Variants in RSRC1 observed in about 807,000 individuals in gnomAD.
RSRC1 encodes the protein serine/Arginine-related protein 53.
In RSRC1, 39 loss-of-function variants were observed where a neutral mutation model predicts 49.1. That is an observed-to-expected ratio of 0.79 (90% CI 0.61 to 1.04). The LOEUF (loss-of-function observed/expected upper bound fraction) is 1.04, where lower values mean the gene tolerates loss of function less well. Ranked by LOEUF, RSRC1 falls within the 50% of genes least tolerant of loss-of-function variation. The probability of loss-of-function intolerance (pLI) is 0.00; values close to 1 mark genes in which losing one functional copy is unlikely to be tolerated. For synonymous variants in RSRC1, 143 were observed against 130.8 expected, an observed-to-expected ratio of 1.09 and a Z score of -0.63; for missense variants, 388 against 402.4, an observed-to-expected ratio of 0.96 and a Z score of 0.31.
At chr3:158,526,749 T>C (rs1320570289) in intron 7 of RSRC1, among the ~76,000 whole-genome samples, 3 of 151,978 alleles carry the variant, frequency 2.0e-5, no homozygotes, top group Admixed American at 2.0e-4. Context: ...CGAAACATAA[T>C]ATGCTTACAA....
chr3:158,252,847 T>C lies in RSRC1; in HGVS notation c.495-45192T>C, dbSNP rs138494610. The stretch of plus-strand genomic sequence containing the variant: ...TGTGTCTAGGAATATTTCTGTTTCT[T>C]CTAGGTTTTCCAATTTCTTGGCATA... On this transcript the variant is annotated intron_variant, in intron 4 of 9. Coordinates refer to ENST00000611884, the MANE Select transcript of RSRC1 (RefSeq NM_001271838.2). Among the ~76,000 whole-genome samples the C allele has an allele frequency of 3.9e-4, 60 of 152,258 alleles. 1 individual carries two copies. Among genetic ancestry groups the C allele is most frequent in the African/African-American group, 1.3e-3 (52 of 41,578 alleles).
At chr3:158,275,846 C>G in intron 4 of RSRC1, 2 of 553,146 alleles carry the variant, frequency 3.6e-6, no homozygotes, top group South Asian at 3.7e-5. Flanking sequence ...ATTGCGCCTT[C>G]TCCAAGCTGC....
At chr3:158,166,825 T>C (rs921220203) in intron 3 of RSRC1, among the ~76,000 whole-genome samples, 21 of 152,204 alleles carry the variant, frequency 1.4e-4, no homozygotes, top group African/African-American at 5.1e-4. Flanking sequence ...TTAATACCTT[T>C]TGAATATTTT....
intron 6 of RSRC1, among the ~76,000 whole-genome samples, chr3:158,390,143 C>T (rs1054250201): frequency 6.6e-6 from 1 of 152,162 alleles, no homozygotes; most frequent in Non-Finnish European, 1.5e-5. Flanking sequence ...CTTTGAACTC[C>T]TTTCATGAGG....
intron 4 of RSRC1, among the ~76,000 whole-genome samples, chr3:158,263,802 A>AC (rs1224153730): frequency 6.6e-6 from 1 of 152,126 alleles, no homozygotes; most frequent in East Asian, 1.9e-4. Context: ...CATGTTACCT[A>AC]AGGTGTTGAA....
rs552015233 is a variant in RSRC1 at position 158,197,419 on chromosome 3, C to T, written c.321-5653C>T. Among the ~76,000 whole-genome samples, 3 of 152,062 alleles carry T rather than the reference C, an allele frequency of 2.0e-5. No individual in the cohort carries two copies. The East Asian group carries it at 5.8e-4, about 29-fold the overall frequency. On this transcript the variant is annotated intron_variant, in intron 3 of 9. Coordinates refer to ENST00000611884, the MANE Select transcript of RSRC1 (RefSeq NM_001271838.2). Reference sequence around the variant, plus strand: ...TCTTCTTTATTAGTCTTGGTAGCGGCCTATCAATTTTGTTGATCTTTTCAC... The same window carrying T: ...TCTTCTTTATTAGTCTTGGTAGCGGTCTATCAATTTTGTTGATCTTTTCAC...
chr3:158,142,441 A>G (rs1716804991), intron 3 of RSRC1, among the ~76,000 whole-genome samples: 1 of 152,186 alleles, frequency 6.6e-6, no homozygotes, highest in South Asian at 2.1e-4. Flanking sequence ...CGGTTAGTCC[A>G]TTCTTGCATC....
intron 4 of RSRC1, among the ~76,000 whole-genome samples, chr3:158,222,612 C>T (rs1722286845): frequency 6.6e-6 from 1 of 151,374 alleles, no homozygotes; most frequent in African/African-American, 2.4e-5. Flanking sequence ...TTCTCCGTCC[C>T]CCACCCCTTA....
chr3:158,288,188 T>A (rs974764153), intron 4 of RSRC1, among the ~76,000 whole-genome samples: 4 of 152,232 alleles, frequency 2.6e-5, no homozygotes, highest in Admixed American at 6.5e-5. Context: ...CAGGTCATGC[T>A]GGACCTTTGA....
intron 7 of RSRC1, among the ~76,000 whole-genome samples, chr3:158,480,681 A>G (rs557461645): frequency 1.4e-3 from 219 of 152,160 alleles, no homozygotes; most frequent in Non-Finnish European, 2.6e-3. Flanking sequence ...GAAAGTGACT[A>G]TCACACATGA....
intron 8 of RSRC1, among the ~76,000 whole-genome samples, 166 bp downstream of exon 8, chr3:158,537,364 C>T (rs1027464307): frequency 1.3e-5 from 2 of 151,506 alleles, no homozygotes; most frequent in Non-Finnish European, 3.0e-5. Flanking sequence ...GACTCAGTCA[C>T]TTTAATACAA....
intron 4 of RSRC1, among the ~76,000 whole-genome samples, chr3:158,281,372 A>G (rs1478611538): frequency 6.6e-6 from 1 of 151,978 alleles, no homozygotes; most frequent in Non-Finnish European, 1.5e-5. Flanking sequence ...TCAAATAGAC[A>G]ACAGGGTAAA....
chr3:158,231,000 G>T (rs113136772), intron 4 of RSRC1, among the ~76,000 whole-genome samples: 2,541 of 152,176 alleles, frequency 0.017, 64 homozygotes, highest in African/African-American at 0.059. Flanking sequence ...TAAAGTCCTT[G>T]ACACAAGAAA....
chr3:158,241,459 A>AAC, intron 4 of RSRC1, among the ~76,000 whole-genome samples: 1 of 150,988 alleles, frequency 6.6e-6, no homozygotes, highest in South Asian at 2.1e-4. Flanking sequence ...CTGTCTCAAA[A>AAC]ATATATATAT....
chr3:158,507,940 G>A (rs1418427830), intron 7 of RSRC1, among the ~76,000 whole-genome samples: 2 of 152,034 alleles, frequency 1.3e-5, no homozygotes, highest in East Asian at 1.9e-4. Flanking sequence ...CAGCATGGGG[G>A]CACACGCCTG....
chr3:158,366,550 C>G (rs1269990408), intron 6 of RSRC1, among the ~76,000 whole-genome samples: 1 of 152,074 alleles, frequency 6.6e-6, no homozygotes, highest in Non-Finnish European at 1.5e-5. Context: ...GTTACCGTAG[C>G]CTTGTATTAT....
At chr3:158,181,905 T>C (rs1719641019) in intron 3 of RSRC1, among the ~76,000 whole-genome samples, 5 of 152,208 alleles carry the variant, frequency 3.3e-5, no homozygotes, top group Admixed American at 1.3e-4. Flanking sequence ...GGCACTATTC[T>C]AGGCACCTGG....
intron 6 of RSRC1, among the ~76,000 whole-genome samples, chr3:158,437,310 A>G (rs2108366217): frequency 6.6e-6 from 1 of 152,236 alleles, no homozygotes; most frequent in Admixed American, 6.6e-5. Context: ...TCTAAAATTG[A>G]AAATGGTTTA....
At chr3:158,348,091 A>T (rs1730660807) in intron 5 of RSRC1, among the ~76,000 whole-genome samples, 1 of 152,008 alleles carries the variant, frequency 6.6e-6, no homozygotes, top group South Asian at 2.1e-4. Flanking sequence ...TTGCACATCT[A>T]ATTTTGTTTC....
Sources: gnomAD v4.1 joint callset for allele counts (sites outside exome capture counted in the v4.1 genomes callset) on GRCh38, gnomAD v4.1.1 for gene constraint, MANE v1.5 for transcripts, NCBI Gene and HGNC (gene_info 2026-07-23, HGNC 2026-07-21) for gene names.